DNAJC25: variants seen among roughly 807,000 people sequenced by gnomAD.
DNAJC25 encodes the protein DnaJ heat shock protein family (Hsp40) member C25.
In DNAJC25, 26 loss-of-function variants were observed where a neutral mutation model predicts 42.1. The ratio of observed to expected loss-of-function variants is 0.62; its 90% CI spans 0.45 to 0.86. DNAJC25 has a LOEUF of 0.86. Among genes scored for constraint, DNAJC25 ranks in the 40% least tolerant of loss-of-function variants. The pLI, the probability that DNAJC25 is intolerant of heterozygous loss-of-function variation, is 0.00. For synonymous variants in DNAJC25, 189 were observed against 179.9 expected, an observed-to-expected ratio of 1.05 and a Z score of -0.40; for missense variants, 404 against 459.4, an observed-to-expected ratio of 0.88 and a Z score of 1.10.
intron 1 of DNAJC25, among the ~76,000 whole-genome samples, chr9:111,637,671 CAT>C (rs1440005677): frequency 6.6e-6 from 1 of 152,218 alleles, no homozygotes; most frequent in Non-Finnish European, 1.5e-5. Context: ...TGCAGCAGCA[CAT>C]GTGTTGGAAC....
intron 2 of DNAJC25, among the ~76,000 whole-genome samples, chr9:111,649,024 A>G (rs1324785038): frequency 6.6e-6 from 1 of 152,202 alleles, no homozygotes; most frequent in East Asian, 1.9e-4. Context: ...TCTATACACT[A>G]TGAGTTTTTT....
At chr9:111,649,999 T>G in intron 3 of DNAJC25, 76 bp downstream of exon 3, 2 of 1,285,396 alleles carry the variant, frequency 1.6e-6, no homozygotes, top group Non-Finnish European at 2.1e-6. Context: ...TAATGAGGGA[T>G]CACAGAAGTG....
chr9:111,635,617 TGAAAG>T (rs1464645827), intron 1 of DNAJC25, among the ~76,000 whole-genome samples: 5 of 152,080 alleles, frequency 3.3e-5, no homozygotes, highest in African/African-American at 1.2e-4. Context: ...GAGAACAACT[TGAAAG>T]GATGCACTTA....
intron 1 of DNAJC25, among the ~76,000 whole-genome samples, chr9:111,638,736 C>T (rs1248788678): frequency 6.6e-6 from 1 of 152,086 alleles, no homozygotes; most frequent in African/African-American, 2.4e-5. Flanking sequence ...CTGTTTCTCC[C>T]TCATTCGACT....
At chr9:111,641,243 C>G (rs1278609630) in intron 1 of DNAJC25, among the ~76,000 whole-genome samples, 29 of 113,116 alleles carry the variant, frequency 2.6e-4, no homozygotes, top group East Asian at 2.9e-4. Flanking sequence ...TCAGCCCTCC[C>G]CCCGGCCAGC....
intron 1 of DNAJC25, among the ~76,000 whole-genome samples, chr9:111,638,601 TAGTG>T (rs1190414349): frequency 2.0e-5 from 3 of 152,176 alleles, no homozygotes; most frequent in Admixed American, 6.5e-5. Context: ...TTCATTATCT[TAGTG>T]AGTAACATTG....
Position 111,631,584 on chromosome 9 carries a change from G to C in DNAJC25, c.177G>C (p.Ser59=). 6.9e-7 allele frequency: 1 copy of C among 1,459,170 alleles called. No individual in the cohort carries two copies. Among genetic ancestry groups the C allele is most frequent in the South Asian group, 1.4e-5 (1 of 74,010 alleles). The allele number at this position is 1,459,170 out of a possible 1,614,324, so 90.4% of individuals were successfully genotyped here. Residue 59 remains serine (S), a synonymous_variant, in exon 1 of 4, where the codon TCG becomes TCC. Coordinates refer to ENST00000313525, the MANE Select transcript of DNAJC25 (RefSeq NM_001015882.3). ...ACGAGGTGCTGGGCGTGAGCCGCTC[G>C]GCGGGCAAGGCGGAGATCGCGCGGG... ...DCYEVLGVSR[S]AGKAEIARAY...
intron 1 of DNAJC25, among the ~76,000 whole-genome samples, chr9:111,636,738 C>G (rs542980856): frequency 1.3e-5 from 2 of 152,236 alleles, no homozygotes; most frequent in Admixed American, 6.5e-5. Context: ...TCATGATTAC[C>G]TGGAACAAAA....
chr9:111,636,207 G>A (rs1830361321), intron 1 of DNAJC25, among the ~76,000 whole-genome samples: 2 of 152,168 alleles, frequency 1.3e-5, no homozygotes, highest in Non-Finnish European at 2.9e-5. Flanking sequence ...AAGGTTGATG[G>A]TGAAAGGACA....
In DNAJC25 at chr9:111,631,750, C is replaced by T. The variant is rs1392574315; in HGVS notation, c.336+7C>T. 2.7e-6 allele frequency: 4 copies of T among 1,509,192 alleles called. No individual in the cohort carries two copies. Among genetic ancestry groups the T allele is most frequent in the Admixed American group, 2.1e-5 (1 of 47,996 alleles). The allele number at this position is 1,509,192 out of a possible 1,614,324, so 93.5% of individuals were successfully genotyped here. The stretch of plus-strand genomic sequence containing the variant: ...CGCCTACGAGACACTCAAGGTGAGG[C>T]CTGCGGGCGTGGAGGGGCTTCGAAG... On this transcript the variant is annotated splice_region_variant and intron_variant, in intron 1 of 3. Coordinates refer to ENST00000313525, the MANE Select transcript of DNAJC25 (RefSeq NM_001015882.3).
chr9:111,636,517 A>G (rs1481775089), intron 1 of DNAJC25, among the ~76,000 whole-genome samples: 3 of 152,166 alleles, frequency 2.0e-5, no homozygotes, highest in Non-Finnish European at 4.4e-5. Flanking sequence ...ACAGGGTCTC[A>G]CTGTGTTGCC....
At chr9:111,642,823 T>C (rs1255526960) in intron 1 of DNAJC25, 4 of 470,492 alleles carry the variant, frequency 8.5e-6, no homozygotes, top group Admixed American at 7.0e-5. Context: ...TTTCCTCTTG[T>C]TCACTTTTGA....
intron 3 of DNAJC25, among the ~76,000 whole-genome samples, chr9:111,651,263 CAAAAAAAAA>C (rs10555875): frequency 1.9e-5 from 2 of 104,982 alleles, no homozygotes; most frequent in South Asian, 6.7e-4. Flanking sequence ...GACTCTATCT[CAAAAAAAAA>C]AAAAAAAAAA....
intron 1 of DNAJC25, among the ~76,000 whole-genome samples, chr9:111,643,890 G>A (rs1262892368): frequency 6.6e-6 from 1 of 152,096 alleles, no homozygotes; most frequent in African/African-American, 2.4e-5. Flanking sequence ...TTCTTACTAG[G>A]TTGATTCTAA....
At chr9:111,632,391 C>G (rs554852042) in intron 1 of DNAJC25, among the ~76,000 whole-genome samples, 53 of 152,268 alleles carry the variant, frequency 3.5e-4, no homozygotes, top group African/African-American at 1.3e-3. Flanking sequence ...GTGTGCGAAC[C>G]GCCCCCCTTT....
At chr9:111,642,703 A>G (rs1403592927) in intron 1 of DNAJC25, 5 of 226,488 alleles carry the variant, frequency 2.2e-5, no homozygotes, top group Non-Finnish European at 4.8e-5. Context: ...ACTGAGATCA[A>G]ACAATTCATG....
intron 1 of DNAJC25, chr9:111,642,760 G>A (rs190531463): frequency 7.0e-6 from 3 of 429,810 alleles, no homozygotes; most frequent in South Asian, 1.7e-5. Context: ...CTCTGGGGAG[G>A]GGGGATGACC....
Position 111,647,206 on chromosome 9 carries a change from G to T in DNAJC25, c.436G>T (p.Val146Leu), listed in dbSNP as rs1372891009. ...CTATAGCAGGCGCTTGGCCCCTAAG[G>T]TGGATGTTAGAGTAGTGATTTTGGT... ...HYYSRRLAPK[V>L]DVRVVILVSV... is the part of the protein sequence containing the mutation. Residue 146 changes from valine (V) to leucine (L), a missense_variant, in exon 2 of 4, where the codon GTG becomes TTG. Val to Leu is a conservative substitution (Grantham distance 32). Transcript: ENST00000313525. The T allele has an allele frequency of 6.2e-7, 1 of 1,614,160 alleles. No homozygotes were observed.
chr9:111,647,018 T>C lies in DNAJC25; in HGVS notation c.337-89T>C, dbSNP rs183839252. 71 of 1,352,630 alleles carry C rather than the reference T, an allele frequency of 5.2e-5. No homozygotes were observed. In the East Asian group the frequency reaches 1.8e-3, roughly 34 times the overall value. The allele number at this position is 1,352,630 out of a possible 1,614,324, so 83.8% of individuals were successfully genotyped here. A position where few individuals can be genotyped will look rare whatever the true frequency, so the allele number is the denominator to read the frequency against. On this transcript the variant is annotated intron_variant, in intron 1 of 3. Transcript: ENST00000313525. ...TTTACTCAGATTAACCTTACATAAT[T>C]ATAAAATTCTATATGTGATTTAACA... is the stretch of plus-strand genomic sequence containing the variant.
Sources: allele counts gnomAD v4.1 joint callset (sites outside exome capture counted in the v4.1 genomes callset), GRCh38; gene constraint gnomAD v4.1.1; transcripts MANE v1.5; gene names NCBI Gene and HGNC (gene_info 2026-07-23, HGNC 2026-07-21).